The following PTPRN variants were observed in gnomAD, a reference collection of about 807,000 sequenced individuals.
The protein encoded by PTPRN is receptor-type tyrosine-protein phosphatase-like N.
In PTPRN, 70 loss-of-function variants were observed where a neutral mutation model predicts 108.5. The observed-to-expected ratio is 0.65, with a 90% CI of 0.53 to 0.79. The LOEUF is 0.79. Ranked by LOEUF, PTPRN falls within the 30% of genes least tolerant of loss-of-function variation. The pLI, the probability that PTPRN is intolerant of heterozygous loss-of-function variation, is 0.00. For synonymous variants in PTPRN, 496 were observed against 524.6 expected, an observed-to-expected ratio of 0.95 and a Z score of 0.75; for missense variants, 1,136 against 1,295.5, an observed-to-expected ratio of 0.88 and a Z score of 1.89.
chr2:219,301,778 G>T (rs1301209038), intron 6 of PTPRN, 59 bp from the exon 7 acceptor site: 3 of 1,556,952 alleles, frequency 1.9e-6, no homozygotes, highest in Non-Finnish European at 2.6e-6. Context: ...GAGGGATGCA[G>T]ATGAGTGAGT....
At chr2:219,303,359 C>T (rs191640230) in intron 4 of PTPRN, among the ~76,000 whole-genome samples, 77 of 152,172 alleles carry the variant, frequency 5.1e-4, no homozygotes, top group African/African-American at 1.9e-3. Context: ...CTTTAGAGGC[C>T]CTAACCACAA....
intron 3 of PTPRN, among the ~76,000 whole-genome samples, chr2:219,306,774 C>T (rs1197018710): frequency 6.6e-6 from 1 of 152,130 alleles, no homozygotes; most frequent in Non-Finnish European, 1.5e-5. Context: ...AATACTCTTC[C>T]CCTAGATAAT....
rs1047921260 is a variant in PTPRN, at chr2:219,296,117, C to T, written c.2508+109G>A. ...GAATCATGAGCAGGGCCAATAAAAGCCTTTTTAAAAAGACTGTTGAGTGCT... is the reference window on the plus strand; with the variant it reads ...GAATCATGAGCAGGGCCAATAAAAGTCTTTTTAAAAAGACTGTTGAGTGCT... On this transcript the variant is annotated intron_variant, in intron 18 of 22. Coordinates refer to ENST00000295718, the MANE Select transcript of PTPRN (RefSeq NM_002846.4). This position sits in a 1 kb window ranked among gnomAD's most constrained non-coding sequence, Gnocchi z 6.0. 6.0e-6 allele frequency: 9 copies of T among 1,493,270 alleles called. No homozygotes were observed. The highest frequency in any genetic ancestry group is 8.3e-6 in the Non-Finnish European group (9 of 1,089,324). 92.5% of individuals were successfully genotyped at this position (1,493,270 alleles called of 1,614,324 possible). A position where few individuals can be genotyped will look rare whatever the true frequency, so the allele number is the denominator to read the frequency against.
At chr2:219,306,350 TTTTG>T (rs1952484197) in intron 3 of PTPRN, among the ~76,000 whole-genome samples, 2 of 152,320 alleles carry the variant, frequency 1.3e-5, no homozygotes, top group South Asian at 4.1e-4. Flanking sequence ...TTGTGGTAGT[TTTTG>T]TTTGTTTGTT....
At chr2:219,294,209 A>G (rs1195849643) in intron 19 of PTPRN, 2 of 476,274 alleles carry the variant, frequency 4.2e-6, no homozygotes, top group Non-Finnish European at 8.8e-6. Context: ...AGGGAGAGAG[A>G]GAAAGAGGGA....
In PTPRN at chr2:219,290,026, T is replaced by TGGGCTCTGGGATGCCCC; in HGVS notation, c.*183_*199dup. 1 of 600,594 alleles carries TGGGCTCTGGGATGCCCC rather than the reference T, an allele frequency of 1.7e-6. No individual in the cohort carries two copies. Among genetic ancestry groups the TGGGCTCTGGGATGCCCC allele is most frequent in the South Asian group, 2.0e-5 (1 of 50,016 alleles). 37.2% of individuals were successfully genotyped at this position (600,594 alleles called of 1,614,324 possible). Reference sequence around the variant, plus strand: ...GCTGCAGCACCCCCATGGGATGCCCTGGGCTCTGGGATGCCCCAGGCTCTG... The same window carrying TGGGCTCTGGGATGCCCC: ...GCTGCAGCACCCCCATGGGATGCCCTGGGCTCTGGGATGCCCCGGGCTCTGGGATGCCCCAGGCTCTG... On this transcript the variant is annotated 3_prime_UTR_variant, in exon 23 of 23. Transcript: ENST00000295718. This position sits in a 1 kb window ranked among gnomAD's most constrained non-coding sequence, Gnocchi z 4.2.
rs761965533 is a variant in PTPRN at position 219,296,179 on chromosome 2, C to G, written c.2508+47G>C. On this transcript the variant is annotated intron_variant, in intron 18 of 22. Coordinates refer to ENST00000295718, the MANE Select transcript of PTPRN (RefSeq NM_002846.4). The surrounding 1 kb of genome is among the most constrained non-coding windows in gnomAD (Gnocchi z 6.0). ...GAAAACGTTACGAAAAGGCCATCATCTACTCTTCCCACATCCATTGTCCCC... is the reference window on the plus strand; with the variant it reads ...GAAAACGTTACGAAAAGGCCATCATGTACTCTTCCCACATCCATTGTCCCC... The G allele has an allele frequency of 6.2e-7, 1 of 1,604,822 alleles. No individual in the cohort carries two copies. Among genetic ancestry groups the G allele is most frequent in the Non-Finnish European group, 8.5e-7 (1 of 1,172,080 alleles).
chr2:219,300,103 CA>C lies in PTPRN; in HGVS notation c.1317del (p.Val440Ter), dbSNP rs1559300234. 8 of 1,614,020 alleles carry C rather than the reference CA, an allele frequency of 5.0e-6. No homozygotes were observed. Among genetic ancestry groups the C allele is most frequent in the Non-Finnish European group, 6.8e-6 (8 of 1,179,998 alleles). On this transcript the variant is annotated frameshift_variant, in exon 9 of 23. Coordinates refer to ENST00000295718, the MANE Select transcript of PTPRN (RefSeq NM_002846.4). LOFTEE classifies it high-confidence loss of function. ...TTCTTCTCTAGCAGGACAGGTGTCA[CA>C]GGGGGTCTGGCAGCTTTGGGAGGCT... is the stretch of plus-strand genomic sequence containing the variant. ...SSEPPKAARPPVTPVLLEKKS... is the reference protein window; with the variant it reads ...SSEPPKAARPXVTPVLLEKKS...
chr2:219,309,310 C>A lies in PTPRN; in HGVS notation c.23G>T (p.Gly8Val), dbSNP rs1426487583. The A allele has an allele frequency of 6.7e-7, 1 of 1,492,698 alleles. No individual in the cohort carries two copies. The highest frequency in any genetic ancestry group is 8.9e-7 in the Non-Finnish European group (1 of 1,125,240). The allele number at this position is 1,492,698 out of a possible 1,614,324, so 92.5% of individuals were successfully genotyped here. A position where few individuals can be genotyped will look rare whatever the true frequency, so the allele number is the denominator to read the frequency against. ...GAGACCCCCGGATCCCCCGAGACCC[C>A]CAGGCCGCCGCGGGCGCCGCATCTT... Reference protein sequence around the residue: MRRPRRPGGLGGSGGLRL... With the variant: MRRPRRPVGLGGSGGLRL... Residue 8 changes from glycine to valine, a missense_variant, in exon 1 of 23, where the codon GGG (glycine) becomes GTG (valine). Transcript: ENST00000295718.
chr2:219,309,203 A>G lies in PTPRN; in HGVS notation c.115+15T>C. The G allele has an allele frequency of 2.6e-6, 2 of 774,806 alleles. No individual in the cohort carries two copies. The highest frequency in any genetic ancestry group is 1.5e-5 in the South Asian group (1 of 67,748). 48.0% of individuals were successfully genotyped at this position (774,806 alleles called of 1,614,324 possible). On this transcript the variant is annotated intron_variant, in intron 1 of 22. Transcript: ENST00000295718. ...CCCGCCCCCCACCACCCGCCAGCCC[A>G]AGTTTCCTCCTGACCGTGGGCACTA...
intron 19 of PTPRN, 61 bp downstream of exon 19, chr2:219,294,914 G>GTCA: frequency 1.5e-6 from 2 of 1,374,006 alleles, no homozygotes; most frequent in Non-Finnish European, 1.9e-6. Flanking sequence ...CCGAGCGGCG[G>GTCA]GCGGACCCCG....
chr2:219,289,932 A>C lies in PTPRN; in HGVS notation c.*294T>G. 2.5e-6 allele frequency: 1 copy of C among 396,968 alleles called. No individual in the cohort carries two copies. Among genetic ancestry groups the C allele is most frequent in the South Asian group, 3.1e-5 (1 of 32,332 alleles). 24.6% of individuals were successfully genotyped at this position (396,968 alleles called of 1,614,324 possible). ...ACCCCAGGAGAGCTACAGGAGAGCC[A>C]GGCCAGGGAATGTAGGCAGGAGAAG... On this transcript the variant is annotated 3_prime_UTR_variant, in exon 23 of 23. Transcript: ENST00000295718.
chr2:219,301,001 T>G, intron 7 of PTPRN, 24 bp from the exon 8 acceptor site: 1 of 1,613,436 alleles, frequency 6.2e-7, no homozygotes, highest in Non-Finnish European at 8.5e-7. Flanking sequence ...AAAACAAGAG[T>G]CTGGAAAAAT....
In PTPRN at chr2:219,302,648, C is replaced by G. The variant is rs1485774894; in HGVS notation, c.567G>C (p.Leu189=). 1 of 1,613,792 alleles carries G rather than the reference C, an allele frequency of 6.2e-7. No individual in the cohort carries two copies. Among genetic ancestry groups the G allele is most frequent in the Non-Finnish European group, 8.5e-7 (1 of 1,179,958 alleles). ...ELLPPLLEHL[L]LPPQPPHPSL... The stretch of plus-strand genomic sequence containing the variant: ...AAGGGTGGGGAGGCTGTGGGGGCAG[C>G]AGCAGGTGCTCCAAGAGAGGCGGGA... Residue 189 remains leucine (L), a synonymous_variant, in exon 5 of 23, where the codon CTG becomes CTC. Transcript: ENST00000295718.
rs1559301886 is a variant in PTPRN at position 219,302,127 on chromosome 2, AC to A, written c.994+9del. 6.4e-7 allele frequency: 1 copy of A among 1,560,302 alleles called. No homozygotes were observed. On this transcript the variant is annotated intron_variant, in intron 6 of 22. Transcript: ENST00000295718. ...CCTCACAGGGAGGTGGATGCTGAGG[AC>A]CTTGTTACCTGGCTGCACAGCTGGG... is the stretch of plus-strand genomic sequence containing the variant.
At chr2:219,307,749 T>C (rs761224060) in intron 2 of PTPRN, 43 bp downstream of exon 2, 1 of 1,605,286 alleles carries the variant, frequency 6.2e-7, no homozygotes, top group Non-Finnish European at 8.5e-7. Flanking sequence ...TTATTGCCCC[T>C]CTCCCCCCGA....
Position 219,301,598 on chromosome 2 carries a change from T to C in PTPRN, c.1116A>G (p.Gly372=), listed in dbSNP as rs1234109996. ...TLLQLLPKGA[G]RNPGGVVNVG... is the part of the protein sequence containing the mutation. ...TGCCTGGACACTTACCCGGATTTCT[T>C]CCTGCACCCTTGGGCAGTAGCTGCA... Residue 372 remains glycine, a synonymous_variant, in exon 7 of 23, where the codon GGA becomes GGG. Transcript: ENST00000295718. 1 of 1,608,164 alleles carries C rather than the reference T, an allele frequency of 6.2e-7. No individual in the cohort carries two copies. Among genetic ancestry groups the C allele is most frequent in the Non-Finnish European group, 8.5e-7 (1 of 1,175,152 alleles).
rs1952213403 is a variant in PTPRN, at chr2:219,296,957, G to A, written c.2236+28C>T. The stretch of plus-strand genomic sequence containing the variant: ...GACCTCGCAGCAGAGAGAGGGCTGG[G>A]CCAGGTGGGCCAGCAGGGTTCACTC... On this transcript the variant is annotated intron_variant, in intron 15 of 22. Coordinates refer to ENST00000295718, the MANE Select transcript of PTPRN (RefSeq NM_002846.4). The surrounding 1 kb of genome is among the most constrained non-coding windows in gnomAD (Gnocchi z 6.0). 1 of 1,613,290 alleles carries A rather than the reference G, an allele frequency of 6.2e-7. No individual in the cohort carries two copies. The highest frequency in any genetic ancestry group is 2.2e-5 in the East Asian group (1 of 44,872).
chr2:219,304,812 A>G (rs754805843), intron 3 of PTPRN, among the ~76,000 whole-genome samples: 17 of 152,186 alleles, frequency 1.1e-4, no homozygotes, highest in Non-Finnish European at 1.9e-4. Flanking sequence ...CATTATTCCC[A>G]TGCAAACAAT....
Sources: allele counts gnomAD v4.1 joint callset (sites outside exome capture counted in the v4.1 genomes callset), GRCh38; gene constraint gnomAD v4.1.1; non-coding constraint Gnocchi (gnomAD v3.1); transcripts MANE v1.5; gene names NCBI Gene and HGNC (gene_info 2026-07-23, HGNC 2026-07-21).